TRIM2: variants seen among roughly 807,000 people sequenced by gnomAD.
TRIM2 encodes tripartite motif containing 2, also known as tripartite motif-containing protein 2.
In TRIM2, 20 loss-of-function variants were observed where a neutral mutation model predicts 75.2. The ratio of observed to expected loss-of-function variants is 0.27; its 90% CI spans 0.19 to 0.39. TRIM2 has a LOEUF of 0.39. Ranked by LOEUF, TRIM2 falls within the 10% of genes least tolerant of loss-of-function variation. TRIM2 has a pLI of 1.00. For synonymous variants in TRIM2, 373 were observed against 388.3 expected (o/e 0.96, Z 0.46); for missense variants, 660 against 990.8 (o/e 0.67, Z 4.48).
At chr4:153,253,768 C>T (rs942365045) in intron 1 of TRIM2, among the ~76,000 whole-genome samples, 3 of 152,056 alleles carry the variant, frequency 2.0e-5, no homozygotes, top group Admixed American at 6.5e-5. Context: ...ACCAGCGCTG[C>T]GACAGTTTAC....
At chr4:153,157,597 A>G (rs368312651) in intron 1 of TRIM2, among the ~76,000 whole-genome samples, 153 of 152,264 alleles carry the variant, frequency 1.0e-3, no homozygotes, top group African/African-American at 3.3e-3. Flanking sequence ...CCCTGGCATA[A>G]TCTCTCTCCC....
intron 8 of TRIM2, 114 bp downstream of exon 8, chr4:153,316,113 A>T: frequency 1.0e-6 from 1 of 984,040 alleles, no homozygotes; most frequent in Non-Finnish European, 1.5e-6. Context: ...AATTCTTCAT[A>T]CACAAAGATA....
intron 6 of TRIM2, among the ~76,000 whole-genome samples, chr4:153,300,671 C>T (rs908543563): frequency 1.3e-5 from 2 of 151,982 alleles, no homozygotes; most frequent in Non-Finnish European, 1.5e-5. Flanking sequence ...ACTACAGGCA[C>T]GCACTAGCAC....
Position 153,267,728 on chromosome 4 carries a change from C to T in TRIM2, c.31-2607C>T, listed in dbSNP as rs563549444. ...TAGGGTCATATTAAATATTAAACCT[C>T]TTTTCTTTCCTTCCTTCCTTCCTTC... On this transcript the variant is annotated intron_variant, in intron 1 of 11. Coordinates refer to ENST00000338700, the MANE Select transcript of TRIM2 (RefSeq NM_015271.5). Among the ~76,000 whole-genome samples the T allele has an allele frequency of 2.5e-3, 375 of 151,850 alleles. 2 individuals carry two copies. Among genetic ancestry groups the T allele is most frequent in the African/African-American group, 8.7e-3 (359 of 41,470 alleles).
At chr4:153,184,194 C>T (rs1230407057) in intron 1 of TRIM2, among the ~76,000 whole-genome samples, 9 of 152,114 alleles carry the variant, frequency 5.9e-5, no homozygotes, top group Admixed American at 5.9e-4. Context: ...GTGTCTTCAA[C>T]AACAGAAATT....
rs543667263 is a variant in TRIM2, at chr4:153,153,735, G to T, written c.-49+465G>T. On this transcript the variant is annotated intron_variant, in intron 1 of 11. Transcript: ENST00000437508. ...GCTGCGGCCGGTCCTGCAGGGACAC[G>T]GGCGTGGCGGCGTCTCAGGGAGCGG... 2.6e-5 allele frequency among the ~76,000 whole-genome samples: 4 copies of T among 152,318 alleles called. No homozygotes were observed. The South Asian group carries it at 6.2e-4, about 24-fold the overall frequency.
chr4:153,317,544 G>A (rs987149570), intron 8 of TRIM2, among the ~76,000 whole-genome samples: 45 of 152,042 alleles, frequency 3.0e-4, no homozygotes, highest in African/African-American at 9.2e-4. Context: ...AGCTGCTGGG[G>A]AGGCTGAGAC....
At chr4:153,182,065 C>G (rs538817038) in intron 1 of TRIM2, among the ~76,000 whole-genome samples, 5 of 152,186 alleles carry the variant, frequency 3.3e-5, no homozygotes, top group Non-Finnish European at 7.3e-5. Context: ...CCATCTCAGT[C>G]TACCGAGTGC....
At chr4:153,312,770 C>T (rs113910864) in intron 6 of TRIM2, among the ~76,000 whole-genome samples, 99 of 152,148 alleles carry the variant, frequency 6.5e-4, no homozygotes, top group Admixed American at 2.6e-3. Context: ...ATGTTTATTG[C>T]GGCACTATTC....
intron 1 of TRIM2, among the ~76,000 whole-genome samples, chr4:153,166,501 C>CT (rs1730328038): frequency 6.6e-6 from 1 of 151,478 alleles, no homozygotes; most frequent in Non-Finnish European, 1.5e-5. Flanking sequence ...CCTTCCCTCC[C>CT]TCCCTCTTTT....
intron 1 of TRIM2, among the ~76,000 whole-genome samples, chr4:153,191,011 C>CAG (rs1733132307): frequency 6.6e-6 from 1 of 152,198 alleles, no homozygotes; most frequent in Non-Finnish European, 1.5e-5. Context: ...GCTGGGATTA[C>CAG]AGGCGTGAGC....
intron 6 of TRIM2, among the ~76,000 whole-genome samples, chr4:153,297,271 G>A (rs1438028562): frequency 6.6e-6 from 1 of 152,180 alleles, no homozygotes; most frequent in African/African-American, 2.4e-5. Flanking sequence ...TGTGCGATAT[G>A]GGTGCAGGGG....
chr4:153,182,940 C>A (rs751412819), intron 1 of TRIM2, among the ~76,000 whole-genome samples: 1 of 152,154 alleles, frequency 6.6e-6, no homozygotes, highest in Non-Finnish European at 1.5e-5. Context: ...TGTCCCAGGC[C>A]GTGACCTTAT....
intron 1 of TRIM2, among the ~76,000 whole-genome samples, chr4:153,262,829 A>G (rs938780784): frequency 3.3e-5 from 5 of 152,186 alleles, no homozygotes; most frequent in Admixed American, 6.5e-5. Flanking sequence ...GACAGCATGG[A>G]GGTTAGAAGC....
chr4:153,201,786 G>A (rs1313815153), upstream of TRIM2, among the ~76,000 whole-genome samples: 1 of 152,160 alleles, frequency 6.6e-6, no homozygotes, highest in African/African-American at 2.4e-5. Context: ...GTGTCCTGAA[G>A]CTTTTTAAAA....
intron 2 of TRIM2, 110 bp downstream of exon 2, chr4:153,270,629 T>A: frequency 1.1e-6 from 1 of 924,436 alleles, no homozygotes; most frequent in Non-Finnish European, 1.6e-6. Flanking sequence ...AAAACTAATC[T>A]CTTGTGCTTC....
intron 1 of TRIM2, among the ~76,000 whole-genome samples, chr4:153,173,478 T>C (rs1731086933): frequency 6.7e-6 from 1 of 148,920 alleles, no homozygotes; most frequent in African/African-American, 2.5e-5. Context: ...CCTGGCAACA[T>C]GGTAAAACCC....
Position 153,337,026 on chromosome 4 carries a change from A to G in TRIM2, c.*2060A>G. 1 of 982,576 alleles carries G rather than the reference A, an allele frequency of 1.0e-6. No individual in the cohort carries two copies. Among genetic ancestry groups the G allele is most frequent in the South Asian group, 4.7e-5 (1 of 21,226 alleles). The allele number at this position is 982,576 out of a possible 1,614,324, so 60.9% of individuals were successfully genotyped here. A position where few individuals can be genotyped will look rare whatever the true frequency, so the allele number is the denominator to read the frequency against. On this transcript the variant is annotated 3_prime_UTR_variant, in exon 12 of 12. Transcript: ENST00000338700. ...GTACTCTTTTAGGCACTGGAAATAC[A>G]GTGATGGACAAAACAGGTAAAAAAT...
At chr4:153,189,167 A>T (rs1732926747) in intron 1 of TRIM2, among the ~76,000 whole-genome samples, 1 of 152,186 alleles carries the variant, frequency 6.6e-6, no homozygotes, top group East Asian at 1.9e-4. Context: ...GCCGTTTCTA[A>T]CTAGAATGCT....
Sources: gnomAD v4.1 joint callset for allele counts (sites outside exome capture counted in the v4.1 genomes callset) on GRCh38, gnomAD v4.1.1 for gene constraint, MANE v1.5 for transcripts, NCBI Gene and HGNC (gene_info 2026-07-23, HGNC 2026-07-21) for gene names.